RHBDF2: variants seen among roughly 807,000 people sequenced by gnomAD.
RHBDF2 encodes the protein rhomboid 5 homolog 2, also known as inactive rhomboid protein 2.
RHBDF2 carries 38 observed loss-of-function variants against 95.2 expected under a neutral mutation model. The observed-to-expected ratio is 0.40, with a 90% confidence interval of 0.31 to 0.52. The LOEUF is 0.52. Among genes scored for constraint, RHBDF2 ranks in the 20% least tolerant of loss-of-function variants. RHBDF2 has a pLI of 0.56. For synonymous variants in RHBDF2, 442 were observed against 462.0 expected (o/e 0.96, Z 0.55); for missense variants, 863 against 1,137.7 (o/e 0.76, Z 3.47).
At chr17:76,499,676 G>T (rs987886498) in intron 1 of RHBDF2, among the ~76,000 whole-genome samples, 1 of 152,204 alleles carries the variant, frequency 6.6e-6, no homozygotes, top group Non-Finnish European at 1.5e-5. Flanking sequence ...GTACATAATT[G>T]GAGGAGTTAG....
chr17:76,493,433 C>T (rs963881339), intron 1 of RHBDF2, among the ~76,000 whole-genome samples: 2 of 152,174 alleles, frequency 1.3e-5, no homozygotes, highest in African/African-American at 2.4e-5. Flanking sequence ...TAGCCAGTGA[C>T]GCTGCCCTGG....
Position 76,472,966 on chromosome 17 carries a change from C to G in RHBDF2, c.1910+39G>C, listed in dbSNP as rs1411475216. 3.1e-6 allele frequency: 5 copies of G among 1,607,784 alleles called. No homozygotes were observed. The Admixed American group carries it at 6.7e-5, about 21-fold the overall frequency. On this transcript the variant is annotated intron_variant, in intron 17 of 18. Coordinates refer to ENST00000675367, the MANE Select transcript of RHBDF2 (RefSeq NM_001005498.4). ...CCCAGGGGTCCGGCTGGGTGGCCAT[C>G]ACAGGGGTCGGGTTCGGGGGCAGTG...
At position 76,491,432 on chromosome 17, in the gene RHBDF2, T is replaced by TGG. The variant is rs397781877; in HGVS notation, c.-219-3525_-219-3524dup. Among the ~76,000 whole-genome samples the TGG allele has an allele frequency of 1.4e-3, 202 of 147,124 alleles. 1 individual carries two copies. The highest frequency in any genetic ancestry group is 3.5e-3 in the Middle Eastern group (1 of 282). ...CCTGGTCAGCCCCAGGGCAATCAGTTGGGGGGGGGTCCCGAAGAGAGGTGG... is the reference window on the plus strand; with the variant it reads ...CCTGGTCAGCCCCAGGGCAATCAGTTGGGGGGGGGGGTCCCGAAGAGAGGTGG... On this transcript the variant is annotated intron_variant, in intron 1 of 18. Transcript: ENST00000675367.
At chr17:76,500,418 G>C (rs551139249) in intron 1 of RHBDF2, among the ~76,000 whole-genome samples, 1 of 152,238 alleles carries the variant, frequency 6.6e-6, no homozygotes, top group East Asian at 1.9e-4. Context: ...CCTGCCCTAC[G>C]GACAGTGAGG....
chr17:76,498,823 T>A (rs892335744), intron 1 of RHBDF2, among the ~76,000 whole-genome samples: 14 of 141,094 alleles, frequency 9.9e-5, no homozygotes, highest in South Asian at 6.9e-4. Context: ...TGTGTGTGTG[T>A]GAGTCTGTGT....
At chr17:76,479,412 C>G in intron 4 of RHBDF2, 135 bp from the exon 5 acceptor site, 1 of 1,277,860 alleles carries the variant, frequency 7.8e-7, no homozygotes, top group Non-Finnish European at 1.1e-6. Context: ...TGTGAGGCCC[C>G]TGGCTGGAGC....
chr17:76,493,661 C>G (rs892111907), intron 1 of RHBDF2, among the ~76,000 whole-genome samples: 4 of 152,146 alleles, frequency 2.6e-5, no homozygotes, highest in Non-Finnish European at 5.9e-5. Context: ...AGGAGCCAAA[C>G]AGGAGCCACT....
intron 4 of RHBDF2, 43 bp from the exon 5 acceptor site, chr17:76,479,320 C>A: frequency 6.4e-7 from 1 of 1,553,818 alleles, no homozygotes. Context: ...CGCTTGTCTA[C>A]GCCTGTGCAC....
Position 76,471,513 on chromosome 17 carries a change from A to G in RHBDF2, c.*120T>C, listed in dbSNP as rs1054789969. 2.5e-5 allele frequency: 29 copies of G among 1,180,226 alleles called. No homozygotes were observed. Among genetic ancestry groups the G allele is most frequent in the Non-Finnish European group, 3.1e-5 (27 of 858,824 alleles). The allele number at this position is 1,180,226 out of a possible 1,614,324, so 73.1% of individuals were successfully genotyped here. A position where few individuals can be genotyped will look rare whatever the true frequency, so the allele number is the denominator to read the frequency against. On this transcript the variant is annotated 3_prime_UTR_variant, in exon 19 of 19. Transcript: ENST00000675367. ...CTGGCAGGGGGGCACCCAGGTCCAG[A>G]GCCCGGGCCCTGTCTTGGGTCTCTG...
chr17:76,481,501 G>T lies in RHBDF2; in HGVS notation c.24C>A (p.Gly8=). Residue 8 remains glycine, a synonymous_variant, in exon 3 of 19, where the codon GGC becomes GGA. Transcript: ENST00000675367. MASADKN[G]GSVSSVSSSR... ...TGCTGGACACAGAGGACACGCTCCC[G>T]CCATTCTTGTCAGCAGAGGCCATTG... The T allele has an allele frequency of 6.2e-7, 1 of 1,610,634 alleles. No individual in the cohort carries two copies.
intron 1 of RHBDF2, among the ~76,000 whole-genome samples, chr17:76,500,331 T>C (rs2074548105): frequency 6.6e-6 from 1 of 152,142 alleles, no homozygotes; most frequent in East Asian, 1.9e-4. Context: ...GACTCCAACA[T>C]TGCCAAATAT....
At chr17:76,493,860 G>C (rs921373708) in intron 1 of RHBDF2, among the ~76,000 whole-genome samples, 2 of 152,262 alleles carry the variant, frequency 1.3e-5, no homozygotes, top group African/African-American at 4.8e-5. Flanking sequence ...CCAGAGAGCT[G>C]TTTCTTTCTC....
At position 76,481,422 on chromosome 17, in the gene RHBDF2, C is replaced by T. The variant is rs554709470; in HGVS notation, c.103G>A (p.Glu35Lys). ...TCGCCAGGGGCCTGGGTCTCTTTCTCGGGTGGCGGGATGGTGATGGAGAGG... is the reference window on the plus strand; with the variant it reads ...TCGCCAGGGGCCTGGGTCTCTTTCTTGGGTGGCGGGATGGTGATGGAGAGG... ...PNLSITIPPP[E>K]KETQAPGEQD... Residue 35 changes from glutamate (E) to lysine (K), a missense_variant, in exon 3 of 19, where the codon GAG becomes AAG. Coordinates refer to ENST00000675367, the MANE Select transcript of RHBDF2 (RefSeq NM_001005498.4). The T allele has an allele frequency of 1.1e-5, 18 of 1,612,774 alleles. No individual in the cohort carries two copies. Among genetic ancestry groups the T allele is most frequent in the East Asian group, 4.5e-5 (2 of 44,874 alleles).
chr17:76,475,209 C>T, intron 9 of RHBDF2, 68 bp from the exon 10 acceptor site: 2 of 1,176,354 alleles, frequency 1.7e-6, no homozygotes, highest in South Asian at 2.6e-5. Flanking sequence ...GGCCACAGGG[C>T]CACCCTGGCC....
chr17:76,479,429 AC>A, intron 4 of RHBDF2, 152 bp from the exon 5 acceptor site: 1 of 1,139,230 alleles, frequency 8.8e-7, no homozygotes, highest in Non-Finnish European at 1.3e-6. Context: ...GAGCCCAGTG[AC>A]CAGATGAGCA....
At position 76,479,247 on chromosome 17, in the gene RHBDF2, G is replaced by A. The variant is rs756878453; in HGVS notation, c.303C>T (p.Gly101=). The A allele has an allele frequency of 1.1e-5, 17 of 1,605,854 alleles. No individual in the cohort carries two copies. In the African/African-American group the frequency reaches 1.3e-4, roughly 13 times the overall value. ...KGAAQWFGVS[G]DWEGQRQQWQ... ...ACTGCTGCCGCTGCCCCTCCCAGTC[G>A]CCGCTGACTCCAAACCACTGGGCTG... is the stretch of plus-strand genomic sequence containing the variant. Residue 101 remains glycine (G), a synonymous_variant, in exon 5 of 19, where the codon GGC becomes GGT. Coordinates refer to ENST00000675367, the MANE Select transcript of RHBDF2 (RefSeq NM_001005498.4).
Position 76,488,608 on chromosome 17 carries a change from G to C in RHBDF2, c.-219-699C>G, listed in dbSNP as rs562039999. Among the ~76,000 whole-genome samples, 3 of 152,274 alleles carry C rather than the reference G, an allele frequency of 2.0e-5. No individual in the cohort carries two copies. The East Asian group carries it at 5.8e-4, about 29-fold the overall frequency. On this transcript the variant is annotated intron_variant, in intron 1 of 18. Coordinates refer to ENST00000675367, the MANE Select transcript of RHBDF2 (RefSeq NM_001005498.4). ...GGGAATCATGAGGTCAAGAGTTCGA[G>C]ACCAGCCTGGCCAACATGGTGAAAC...
In RHBDF2 at chr17:76,478,858, T is replaced by C; in HGVS notation, c.620A>G (p.Lys207Arg). Residue 207 changes from lysine (K) to arginine (R), a missense_variant, in exon 6 of 19, where the codon AAG (lysine) becomes AGG (arginine). Transcript: ENST00000675367. ...RSGYSHLPRR[K>R]RMSVAHMSLQ... ...GCTCATGTGGGCCACAGACATTCTC[T>C]TGCGGCGTGGCAGGTGGGAGTAGCC... 1.2e-6 allele frequency: 2 copies of C among 1,613,632 alleles called. No homozygotes were observed. The highest frequency in any genetic ancestry group is 1.7e-6 in the Non-Finnish European group (2 of 1,179,834).
chr17:76,480,207 T>G (rs1207920951), intron 3 of RHBDF2, among the ~76,000 whole-genome samples: 6 of 149,162 alleles, frequency 4.0e-5, no homozygotes, highest in Non-Finnish European at 1.5e-5. Flanking sequence ...CTCAGCCTCC[T>G]GAGTAGCTGG....
Sources: gnomAD v4.1 joint callset for allele counts (sites outside exome capture counted in the v4.1 genomes callset) on GRCh38, gnomAD v4.1.1 for gene constraint, MANE v1.5 for transcripts, NCBI Gene and HGNC (gene_info 2026-07-23, HGNC 2026-07-21) for gene names.